Variants in SLITRK4 observed in about 807,000 individuals in gnomAD.
The protein encoded by SLITRK4 is SLIT and NTRK-like protein 4.
A neutral mutation model predicts 34.7 loss-of-function variants in SLITRK4; 7 were observed. That is an observed-to-expected ratio of 0.20 (90% CI 0.11 to 0.38). The LOEUF is 0.38. Among genes scored for constraint, SLITRK4 ranks in the 10% least tolerant of loss-of-function variants. The pLI is 1.00. For synonymous variants in SLITRK4, 237 were observed against 246.2 expected, an observed-to-expected ratio of 0.96 and a Z score of 0.35; for missense variants, 474 against 607.0, an observed-to-expected ratio of 0.78 and a Z score of 2.30.
chrX:143,627,245 A>G lies in SLITRK4; in HGVS notation c.*1350T>C, dbSNP rs1215719867. 1.8e-5 allele frequency: 2 copies of G among 109,526 alleles called. No homozygotes were observed. The highest frequency in any genetic ancestry group is 1.0e-4 in the Admixed American group (1 of 9,978). 9.0% of individuals were successfully genotyped at this position (109,526 alleles called of 1,213,427 possible). On this transcript the variant is annotated 3_prime_UTR_variant, in exon 2 of 2. Coordinates refer to ENST00000356928, the MANE Select transcript of SLITRK4 (RefSeq NM_001184749.3). Reference sequence around the variant, plus strand: ...AACAGGATACTGATGCATACAAGATATAACTATTAACCTTATTCATTATTT... The same window carrying G: ...AACAGGATACTGATGCATACAAGATGTAACTATTAACCTTATTCATTATTT...
chrX:143,626,410 C>T lies in SLITRK4; in HGVS notation c.*2185G>A, dbSNP rs1556425457. On this transcript the variant is annotated 3_prime_UTR_variant, in exon 2 of 2. Transcript: ENST00000356928. ...AGATGTCATAAAAATTAAAATTACA[C>T]ACTAAAGTTTTAAGAGCACCAGCAC... The T allele has an allele frequency of 1.8e-5, 2 of 110,778 alleles. No individual in the cohort carries two copies. The highest frequency in any genetic ancestry group is 3.3e-5 in the African/African-American group (1 of 30,582). The allele number at this position is 110,778 out of a possible 1,213,427, so 9.1% of individuals were successfully genotyped here. A position where few individuals can be genotyped will look rare whatever the true frequency, so the allele number is the denominator to read the frequency against.
At chrX:143,632,422 C>T (rs12156770) in intron 1 of SLITRK4, among the ~76,000 whole-genome samples, 50,843 of 110,547 alleles carry the variant, frequency 0.46, 8,913 homozygotes, top group East Asian at 0.64. Flanking sequence ...ACAACACAAG[C>T]AGAGTGCATT....
At position 143,636,098 on chromosome X, in the gene SLITRK4, C is replaced by A. The variant is rs12710620; in HGVS notation, c.-414G>T. ...GGGACTGGGAGAGATGCCGCACTTG[C>A]GACCAAAAGAAAAAAAAAAAAAAAA... On this transcript the variant is annotated 5_prime_UTR_variant, in exon 1 of 2. Coordinates refer to ENST00000356928, the MANE Select transcript of SLITRK4 (RefSeq NM_001184749.3). Among the ~76,000 whole-genome samples the A allele has an allele frequency of 0.38, 25,041 of 66,105 alleles. 3,870 individuals are homozygous for A. Among genetic ancestry groups the A allele is most frequent in the South Asian group, 0.47 (478 of 1,020 alleles). The allele number at this position is 66,105 out of a possible 115,157, so 57.4% of individuals were successfully genotyped here. A position where few individuals can be genotyped will look rare whatever the true frequency, so the allele number is the denominator to read the frequency against.
chrX:143,624,121 A>C lies in SLITRK4; in HGVS notation c.*4474T>G, dbSNP rs1286181936. 9.0e-6 allele frequency: 1 copy of C among 111,424 alleles called. No homozygotes were observed. Among genetic ancestry groups the C allele is most frequent in the African/African-American group, 3.3e-5 (1 of 30,737 alleles). 9.2% of individuals were successfully genotyped at this position (111,424 alleles called of 1,213,427 possible). A position where few individuals can be genotyped will look rare whatever the true frequency, so the allele number is the denominator to read the frequency against. On this transcript the variant is annotated 3_prime_UTR_variant, in exon 2 of 2. Transcript: ENST00000356928. ...TACTTTTCTTACCATAAATATATGAACCTTAAACCCACTGTATTGGTCAAT... is the reference window on the plus strand; with the variant it reads ...TACTTTTCTTACCATAAATATATGACCCTTAAACCCACTGTATTGGTCAAT...
chrX:143,633,514 G>C (rs931098906), intron 1 of SLITRK4, among the ~76,000 whole-genome samples: 8 of 110,953 alleles, frequency 7.2e-5, no homozygotes. Context: ...CTTCCTCTCG[G>C]TGCCCTGAAA....
At position 143,625,361 on chromosome X, in the gene SLITRK4, A is replaced by G. The variant is rs1930752214; in HGVS notation, c.*3234T>C. On this transcript the variant is annotated 3_prime_UTR_variant, in exon 2 of 2. Coordinates refer to ENST00000356928, the MANE Select transcript of SLITRK4 (RefSeq NM_001184749.3). The stretch of plus-strand genomic sequence containing the variant: ...TAAAATTACACAAAGTCTTACTTTT[A>G]AAGAATTGAATCATCTTTATTGATT... 1 of 111,776 alleles carries G rather than the reference A, an allele frequency of 8.9e-6. No homozygotes were observed. The highest frequency in any genetic ancestry group is 3.2e-5 in the African/African-American group (1 of 30,899). 9.2% of individuals were successfully genotyped at this position (111,776 alleles called of 1,213,427 possible). A position where few individuals can be genotyped will look rare whatever the true frequency, so the allele number is the denominator to read the frequency against.
rs782540397 is a variant in SLITRK4 at position 143,628,695 on chromosome X, T to G, written c.2414A>C (p.Glu805Ala). Residue 805 changes from glutamate (E) to alanine (A), a missense_variant, in exon 2 of 2, where the codon GAA becomes GCA. By Grantham distance (107) the Glu-to-Ala change is moderately radical. Transcript: ENST00000356928. ...TTCAAAATACTCACTCTTCCTTTGTTCCACAACAATTTTACTGTGGTTGCC... is the reference window on the plus strand; with the variant it reads ...TTCAAAATACTCACTCTTCCTTTGTGCCACAACAATTTTACTGTGGTTGCC... ...IGGNHSKIVVEQRKSEYFELK... is the reference protein window; with the variant it reads ...IGGNHSKIVVAQRKSEYFELK... 8.3e-7 allele frequency: 1 copy of G among 1,211,654 alleles called. No individual in the cohort carries two copies. Among genetic ancestry groups the G allele is most frequent in the Admixed American group, 2.2e-5 (1 of 46,038 alleles).
Position 143,630,872 on chromosome X carries a change from G to T in SLITRK4, c.237C>A (p.Phe79Leu), listed in dbSNP as rs1556428238. The T allele has an allele frequency of 6.6e-6, 8 of 1,205,494 alleles. No homozygotes were observed. The highest frequency in any genetic ancestry group is 9.0e-6 in the Non-Finnish European group (8 of 893,245). Reference protein sequence around the residue: ...NFLNILYPNTFLNFSHAVSLH... With the variant: ...NFLNILYPNTLLNFSHAVSLH... ...GGGAGACTGCATGTGAAAAATTCAA[G>T]AATGTATTTGGATACAGAATATTTA... Residue 79 changes from phenylalanine (F) to leucine (L), a missense_variant, in exon 2 of 2, where the codon TTC becomes TTA. Phe to Leu is a conservative substitution (Grantham distance 22). Around this residue, in one of 3 missense-constraint regions of SLITRK4, gnomAD observed 84 missense variants for 101.3 expected, o/e 0.83. Coordinates refer to ENST00000356928, the MANE Select transcript of SLITRK4 (RefSeq NM_001184749.3).
At position 143,627,362 on chromosome X, in the gene SLITRK4, C is replaced by A. The variant is rs1354969039; in HGVS notation, c.*1233G>T. 9.0e-6 allele frequency: 1 copy of A among 111,075 alleles called. No homozygotes were observed. Among genetic ancestry groups the A allele is most frequent in the Non-Finnish European group, 1.9e-5 (1 of 52,873 alleles). 9.2% of individuals were successfully genotyped at this position (111,075 alleles called of 1,213,427 possible). A position where few individuals can be genotyped will look rare whatever the true frequency, so the allele number is the denominator to read the frequency against. On this transcript the variant is annotated 3_prime_UTR_variant, in exon 2 of 2. Transcript: ENST00000356928. Reference sequence around the variant, plus strand: ...TGGCAAATAACAACTGCCCCAGACACAATACTAGAAAACTAAGGAACTTAT... The same window carrying A: ...TGGCAAATAACAACTGCCCCAGACAAAATACTAGAAAACTAAGGAACTTAT...
Position 143,629,955 on chromosome X carries a change from T to C in SLITRK4, c.1154A>G (p.Asn385Ser), listed in dbSNP as rs782757658. The change falls in exon 2 of 2, where the codon AAT becomes AGT. Residue 385 changes from asparagine to serine, a missense_variant. By Grantham distance (46) the Asn-to-Ser change is conservative. Transcript: ENST00000356928. Reference protein sequence around the residue: ...KPLNAKKLHVNGNSIKDVDVS... With the variant: ...KPLNAKKLHVSGNSIKDVDVS... ...GTCCACATCCTTGATGCTATTGCCA[T>C]TGACGTGCAGCTTCTTCGCATTTAA... 1 of 1,212,090 alleles carries C rather than the reference T, an allele frequency of 8.3e-7. No individual in the cohort carries two copies. Among genetic ancestry groups the C allele is most frequent in the Non-Finnish European group, 1.1e-6 (1 of 895,635 alleles).
Position 143,627,612 on chromosome X carries a change from A to G in SLITRK4, c.*983T>C, listed in dbSNP as rs782306197. ...TACATTTATACTTACTGATAAATTC[A>G]CTGTGATCAGGAAAACAAGTCAGGC... On this transcript the variant is annotated 3_prime_UTR_variant, in exon 2 of 2. Coordinates refer to ENST00000356928, the MANE Select transcript of SLITRK4 (RefSeq NM_001184749.3). The G allele has an allele frequency of 3.3e-4, 37 of 111,623 alleles. No homozygotes were observed. Among genetic ancestry groups the G allele is most frequent in the African/African-American group, 1.2e-3 (37 of 30,794 alleles). The allele number at this position is 111,623 out of a possible 1,213,427, so 9.2% of individuals were successfully genotyped here.
At chrX:143,633,194 A>C (rs1325485756) in intron 1 of SLITRK4, among the ~76,000 whole-genome samples, 2 of 110,061 alleles carry the variant, frequency 1.8e-5, no homozygotes, top group Non-Finnish European at 3.8e-5. Context: ...GGAAGCCACA[A>C]GCAGCTGGAG....
In SLITRK4 at chrX:143,629,697, G is replaced by A. The variant is rs1930950741; in HGVS notation, c.1412C>T (p.Ser471Phe). The part of the protein sequence containing the change: ...IKEISAGTFD[S>F]MPNLQLLYLN... Reference sequence around the variant, plus strand: ...GTACAGTAACTGCAAATTTGGCATGGAGTCAAAGGTGCCTGCTGAGATTTC... The same window carrying A: ...GTACAGTAACTGCAAATTTGGCATGAAGTCAAAGGTGCCTGCTGAGATTTC... Residue 471 changes from serine to phenylalanine, a missense_variant, in exon 2 of 2, where the codon TCC becomes TTC. Around this residue, in one of 3 missense-constraint regions of SLITRK4, gnomAD observed 345 missense variants for 406.5 expected, o/e 0.85. Coordinates refer to ENST00000356928, the MANE Select transcript of SLITRK4 (RefSeq NM_001184749.3). 1.7e-6 allele frequency: 2 copies of A among 1,211,406 alleles called. No individual in the cohort carries two copies. Among genetic ancestry groups the A allele is most frequent in the Non-Finnish European group, 2.2e-6 (2 of 895,332 alleles).
chrX:143,629,335 T>A lies in SLITRK4; in HGVS notation c.1774A>T (p.Thr592Ser). The A allele has an allele frequency of 8.3e-7, 1 of 1,211,538 alleles. No individual in the cohort carries two copies. Among genetic ancestry groups the A allele is most frequent in the Non-Finnish European group, 1.1e-6 (1 of 895,465 alleles). ...KLLNKPSAPFTSPAPAITFTT... is the reference protein window; with the variant it reads ...KLLNKPSAPFSSPAPAITFTT... ...AATGTAATGGCAGGTGCAGGGCTTG[T>A]GAATGGTGCAGACGGCTTATTTAAA... The change falls in exon 2 of 2, where the codon ACA becomes TCA. Residue 592 changes from threonine to serine, a missense_variant. By Grantham distance (58) the Thr-to-Ser change is moderately conservative (BLOSUM62 1). Coordinates refer to ENST00000356928, the MANE Select transcript of SLITRK4 (RefSeq NM_001184749.3).
rs1930899867 is a variant in SLITRK4, at chrX:143,628,712, G to A, written c.2397C>T (p.His799=). Residue 799 remains histidine, a synonymous_variant, in exon 2 of 2, where the codon CAC becomes CAT. Transcript: ENST00000356928. The part of the protein sequence containing the change: ...KSKKSLIGGN[H]SKIVVEQRKS... ...TCCTTTGTTCCACAACAATTTTACT[G>A]TGGTTGCCACCTATCAGTGACTTCT... 2 of 1,211,464 alleles carry A rather than the reference G, an allele frequency of 1.7e-6. No homozygotes were observed. The highest frequency in any genetic ancestry group is 1.8e-5 in the South Asian group (1 of 56,917).
At position 143,629,399 on chromosome X, in the gene SLITRK4, T is replaced by C; in HGVS notation, c.1710A>G (p.Glu570=). ...CETPVQFANI[E]LKSLKNEILC... ...AGATTTCATTTTTGAGGGACTTCAG[T>C]TCAATGTTGGCAAACTGAACAGGCG... The change falls in exon 2 of 2, where the codon GAA becomes GAG. Residue 570 remains glutamate (E), a synonymous_variant. Transcript: ENST00000356928. 2.5e-6 allele frequency: 3 copies of C among 1,211,477 alleles called. No homozygotes were observed. The highest frequency in any genetic ancestry group is 3.4e-6 in the Non-Finnish European group (3 of 895,491).
rs1930886863 is a variant in SLITRK4 at position 143,628,441 on chromosome X, A to G, written c.*154T>C. The G allele has an allele frequency of 2.2e-6, 1 of 444,563 alleles. No homozygotes were observed. Among genetic ancestry groups the G allele is most frequent in the East Asian group, 3.8e-5 (1 of 26,460 alleles). The allele number at this position is 444,563 out of a possible 1,213,427, so 36.6% of individuals were successfully genotyped here. A position where few individuals can be genotyped will look rare whatever the true frequency, so the allele number is the denominator to read the frequency against. ...AAATCTATTAAACAAATTCTCTTCT[A>G]CTTGACACATCTTTGCAGCTACAGT... is the stretch of plus-strand genomic sequence containing the variant. On this transcript the variant is annotated 3_prime_UTR_variant, in exon 2 of 2. Coordinates refer to ENST00000356928, the MANE Select transcript of SLITRK4 (RefSeq NM_001184749.3).
chrX:143,634,472 G>T (rs1214285786), intron 1 of SLITRK4: 1 of 109,426 alleles, frequency 9.1e-6, no homozygotes, highest in East Asian at 3.0e-4. Context: ...CAGCCCAGCG[G>T]CCCGACAGCC....
In SLITRK4 at chrX:143,625,390, TAAAA is replaced by T. The variant is rs1430286750; in HGVS notation, c.*3201_*3204del. On this transcript the variant is annotated 3_prime_UTR_variant, in exon 2 of 2. Transcript: ENST00000356928. The stretch of plus-strand genomic sequence containing the variant: ...AATTGAATCATCTTTATTGATTTCA[TAAAA>T]AAATAATTTAAAACTTGATTTATAT... 9.0e-6 allele frequency: 1 copy of T among 111,461 alleles called. No individual in the cohort carries two copies. The highest frequency in any genetic ancestry group is 1.9e-5 in the Non-Finnish European group (1 of 52,754). 9.2% of individuals were successfully genotyped at this position (111,461 alleles called of 1,213,427 possible).
Sources: allele counts gnomAD v4.1 joint callset (sites outside exome capture counted in the v4.1 genomes callset), GRCh38; gene constraint gnomAD v4.1.1; regional missense constraint gnomAD v4.1.1; transcripts MANE v1.5; gene names NCBI Gene and HGNC (gene_info 2026-07-23, HGNC 2026-07-21).